GNA12: variants seen among roughly 807,000 people sequenced by gnomAD.
GNA12 encodes the protein guanine nucleotide-binding protein subunit alpha-12.
Under a neutral mutation model 26.0 loss-of-function variants are expected in GNA12, and 9 were observed. That is an observed-to-expected ratio of 0.35 (90% confidence interval 0.21 to 0.60). The LOEUF is 0.60. GNA12 is among the 20% of genes least tolerant of loss of function. GNA12 has a pLI of 0.78. For synonymous variants in GNA12, 264 were observed against 219.6 expected (o/e 1.20, Z -1.79); for missense variants, 405 against 525.8 (o/e 0.77, Z 2.25).
At chr7:2,736,655 G>A (rs548460813) in intron 2 of GNA12, among the ~76,000 whole-genome samples, 1 of 152,242 alleles carries the variant, frequency 6.6e-6, no homozygotes, top group East Asian at 1.9e-4. Flanking sequence ...ACGCCCATGA[G>A]GAGACCGCCT....
At chr7:2,802,777 T>C (rs1485789982) in intron 1 of GNA12, among the ~76,000 whole-genome samples, 1 of 152,138 alleles carries the variant, frequency 6.6e-6, no homozygotes, top group Non-Finnish European at 1.5e-5. Flanking sequence ...ATGCATTTCT[T>C]TACATTGATG....
intron 2 of GNA12, among the ~76,000 whole-genome samples, chr7:2,778,621 T>C (rs890561581): frequency 6.6e-6 from 1 of 152,188 alleles, no homozygotes; most frequent in Non-Finnish European, 1.5e-5. Context: ...CTATAGCTCA[T>C]AGCCCACTGC....
At chr7:2,820,698 G>A (rs753570383) in intron 1 of GNA12, among the ~76,000 whole-genome samples, 5 of 152,158 alleles carry the variant, frequency 3.3e-5, no homozygotes, top group Non-Finnish European at 5.9e-5. Context: ...CCTGGCCTCT[G>A]CCCTGTAATC....
In GNA12 at chr7:2,842,005, G is replaced by GAGGGAGGGAGGAAGGAAGGAAGAA. The variant is rs74208620; in HGVS notation, c.309+1847_309+1848insTTCTTCCTTCCTTCCTCCCTCCCT. On this transcript the variant is annotated intron_variant, in intron 1 of 3. Transcript: ENST00000275364. ...GACAAGGAAAGGGTAGAGAGGTAGG[G>GAGGGAGGGAGGAAGGAAGGAAGAA]AGGGAGGGAGAAAGGAAGGGAGGAA... Among the ~76,000 whole-genome samples, 1,471 of 148,600 alleles carry GAGGGAGGGAGGAAGGAAGGAAGAA rather than the reference G, an allele frequency of 9.9e-3. 18 individuals carry two copies. Among genetic ancestry groups the GAGGGAGGGAGGAAGGAAGGAAGAA allele is most frequent in the African/African-American group, 0.034 (1,368 of 40,382 alleles).
chr7:2,739,400 G>C (rs868713348), intron 2 of GNA12, among the ~76,000 whole-genome samples: 1 of 152,144 alleles, frequency 6.6e-6, no homozygotes, highest in Non-Finnish European at 1.5e-5. Flanking sequence ...TTTGTGTCTG[G>C]TTCTTTTACT....
chr7:2,743,498 T>C (rs1193284372), intron 2 of GNA12, among the ~76,000 whole-genome samples: 1 of 152,122 alleles, frequency 6.6e-6, no homozygotes, highest in Non-Finnish European at 1.5e-5. Context: ...TTAGGCTCAA[T>C]TAGGTTAAAA....
intron 2 of GNA12, among the ~76,000 whole-genome samples, chr7:2,794,312 T>C (rs938241241): frequency 4.8e-5 from 7 of 146,314 alleles, no homozygotes; most frequent in African/African-American, 1.6e-4. Flanking sequence ...GCTGTGCACA[T>C]TTATGCTGGT....
At chr7:2,735,254 C>T (rs550741883) in intron 2 of GNA12, among the ~76,000 whole-genome samples, 2 of 152,346 alleles carry the variant, frequency 1.3e-5, no homozygotes, top group Admixed American at 6.5e-5. Context: ...CCTGTGGCCA[C>T]GGGCTCCCCC....
Position 2,728,318 on chromosome 7 carries a change from A to G in GNA12, c.*2863T>C, listed in dbSNP as rs1789713104. The G allele has an allele frequency of 6.6e-6, 1 of 152,154 alleles. No homozygotes were observed. Among genetic ancestry groups the G allele is most frequent in the South Asian group, 2.1e-4 (1 of 4,818 alleles). The allele number at this position is 152,154 out of a possible 1,614,324, so 9.4% of individuals were successfully genotyped here. A position where few individuals can be genotyped will look rare whatever the true frequency, so the allele number is the denominator to read the frequency against. ...GCCCAGAACCCCTAAATTAGTTACAACTAATAATCTTCTTTCAAGAGTTTT... is the reference window on the plus strand; with the variant it reads ...GCCCAGAACCCCTAAATTAGTTACAGCTAATAATCTTCTTTCAAGAGTTTT... On this transcript the variant is annotated 3_prime_UTR_variant, in exon 4 of 4. Coordinates refer to ENST00000275364, the MANE Select transcript of GNA12 (RefSeq NM_007353.3).
At chr7:2,775,520 G>C (rs142110482) in intron 2 of GNA12, 1 of 152,138 alleles carries the variant, frequency 6.6e-6, no homozygotes, top group Non-Finnish European at 1.5e-5. Flanking sequence ...CCAGTGTCTC[G>C]AAAAGGCCTG....
At chr7:2,791,535 G>A (rs758818869) in intron 2 of GNA12, among the ~76,000 whole-genome samples, 6 of 152,280 alleles carry the variant, frequency 3.9e-5, no homozygotes, top group Middle Eastern at 3.4e-3. Flanking sequence ...AAAGCAAGAC[G>A]GCAGAGGGAA....
At chr7:2,822,202 C>G (rs1436135751) in intron 1 of GNA12, among the ~76,000 whole-genome samples, 1 of 152,220 alleles carries the variant, frequency 6.6e-6, no homozygotes, top group Non-Finnish European at 1.5e-5. Flanking sequence ...AGCTATGCCT[C>G]CTCCGAGATG....
chr7:2,734,562 G>A lies in GNA12; in HGVS notation c.526-1061C>T, dbSNP rs999620237. On this transcript the variant is annotated intron_variant, in intron 2 of 3. Coordinates refer to ENST00000275364, the MANE Select transcript of GNA12 (RefSeq NM_007353.3). ...ACGTGATGGCGCTGAAGCTCGTGGC[G>A]TTGTAAGGGATGGAGAAAGGCGGCC... 5.3e-5 allele frequency among the ~76,000 whole-genome samples: 8 copies of A among 152,190 alleles called. No homozygotes were observed. The East Asian group carries it at 5.8e-4, about 11-fold the overall frequency.
At chr7:2,772,245 C>T (rs1441311249) in intron 2 of GNA12, among the ~76,000 whole-genome samples, 1 of 152,156 alleles carries the variant, frequency 6.6e-6, no homozygotes, top group African/African-American at 2.4e-5. Context: ...AGAGGATATC[C>T]CACTGGCCAA....
At chr7:2,743,046 C>G (rs1191857623) in intron 2 of GNA12, among the ~76,000 whole-genome samples, 1 of 152,140 alleles carries the variant, frequency 6.6e-6, no homozygotes, top group Non-Finnish European at 1.5e-5. Flanking sequence ...GCCAGGAGAA[C>G]AAGAGGACAG....
chr7:2,833,546 C>T (rs1032166199), intron 1 of GNA12, among the ~76,000 whole-genome samples: 2 of 152,174 alleles, frequency 1.3e-5, no homozygotes, highest in Non-Finnish European at 2.9e-5. Context: ...GGGGACAAGA[C>T]CAATCACTCA....
intron 2 of GNA12, among the ~76,000 whole-genome samples, chr7:2,793,377 C>T (rs1181933613): frequency 9.4e-5 from 14 of 148,500 alleles, no homozygotes; most frequent in Admixed American, 9.3e-4. Flanking sequence ...AGGTGGGTCA[C>T]ATTCAGACAA....
intron 1 of GNA12, among the ~76,000 whole-genome samples, chr7:2,805,111 G>A (rs1792913651): frequency 6.6e-6 from 1 of 152,092 alleles, no homozygotes; most frequent in South Asian, 2.1e-4. Flanking sequence ...TTTCCACAAA[G>A]CCTTTAAACA....
chr7:2,755,202 C>A (rs143816624), intron 2 of GNA12, among the ~76,000 whole-genome samples: 1 of 152,268 alleles, frequency 6.6e-6, no homozygotes, highest in Non-Finnish European at 1.5e-5. Flanking sequence ...GGGAGAGTGG[C>A]CCCTCCCACT....
Sources: gnomAD v4.1 joint callset for allele counts (sites outside exome capture counted in the v4.1 genomes callset) on GRCh38, gnomAD v4.1.1 for gene constraint, MANE v1.5 for transcripts, NCBI Gene and HGNC (gene_info 2026-07-23, HGNC 2026-07-21) for gene names.